TGFB2: variants seen among roughly 807,000 people sequenced by gnomAD.
The protein encoded by TGFB2 is transforming growth factor beta 2, also known as transforming growth factor beta-2 proprotein.
TGFB2 carries 13 observed loss-of-function variants against 42.7 expected under a neutral mutation model. The observed-to-expected ratio is 0.30, with a 90% CI of 0.20 to 0.48. The LOEUF (loss-of-function observed/expected upper bound fraction) is 0.48. Among genes scored for constraint, TGFB2 ranks in the 20% least tolerant of loss-of-function variants. TGFB2 has a pLI of 0.99. For synonymous variants in TGFB2, 193 were observed against 193.6 expected (o/e 1.00, Z 0.03); for missense variants, 390 against 517.5 (o/e 0.75, Z 2.39).
At chr1:218,416,236 C>T (rs2102606793) in intron 2 of TGFB2, among the ~76,000 whole-genome samples, 1 of 152,124 alleles carries the variant, frequency 6.6e-6, no homozygotes. Flanking sequence ...CTCCCTGCTC[C>T]ACCACCACAC....
chr1:218,443,319 G>A lies in TGFB2; in HGVS notation c.*1957G>A, dbSNP rs1558267591. The A allele has an allele frequency of 6.6e-6, 1 of 152,094 alleles. No homozygotes were observed. The highest frequency in any genetic ancestry group is 1.5e-5 in the Non-Finnish European group (1 of 68,012). The allele number at this position is 152,094 out of a possible 1,614,324, so 9.4% of individuals were successfully genotyped here. On this transcript the variant is annotated 3_prime_UTR_variant, in exon 7 of 7. Transcript: ENST00000366930. ...TTAGCTTTAAAATAAAAATTAATAG[G>A]CAAAGCAATGGAATATTTGCAGTTT...
At chr1:218,420,441 G>C (rs1487133772) in intron 2 of TGFB2, among the ~76,000 whole-genome samples, 1 of 152,190 alleles carries the variant, frequency 6.6e-6, no homozygotes, top group Admixed American at 6.5e-5. Flanking sequence ...GCATCTGACA[G>C]ACTTTCTGTT....
intron 1 of TGFB2, among the ~76,000 whole-genome samples, chr1:218,361,840 T>C (rs1657221514): frequency 1.3e-5 from 2 of 152,310 alleles, no homozygotes; most frequent in South Asian, 4.1e-4. Flanking sequence ...CCTCTAAAAA[T>C]AAACAGCATG....
intron 1 of TGFB2, among the ~76,000 whole-genome samples, chr1:218,363,755 C>T (rs1428703865): frequency 2.6e-5 from 4 of 152,126 alleles, no homozygotes; most frequent in African/African-American, 7.2e-5. Context: ...GACAGCATGG[C>T]CTGAATGTCA....
In TGFB2 at chr1:218,365,240, C is replaced by CT. The variant is rs556897144; in HGVS notation, c.346+18199dup. Among the ~76,000 whole-genome samples, 329 of 152,184 alleles carry CT rather than the reference C, an allele frequency of 2.2e-3. 2 individuals are homozygous for CT. Among genetic ancestry groups the CT allele is most frequent in the African/African-American group, 7.7e-3 (318 of 41,530 alleles). ...CACAGAGACCCCAAACTTTTCCCCCCTTTTTTGGCTTTTCCTTTGGAATCC... is the reference window on the plus strand; with the variant it reads ...CACAGAGACCCCAAACTTTTCCCCCCTTTTTTTGGCTTTTCCTTTGGAATCC... On this transcript the variant is annotated intron_variant, in intron 1 of 6. Transcript: ENST00000366930.
At chr1:218,408,570 A>T (rs1658990821) in intron 2 of TGFB2, among the ~76,000 whole-genome samples, 1 of 152,190 alleles carries the variant, frequency 6.6e-6, no homozygotes, top group South Asian at 2.1e-4. Flanking sequence ...TGAAGCACAG[A>T]CAAGGTCCAG....
chr1:218,394,156 G>A (rs369971555), intron 1 of TGFB2, among the ~76,000 whole-genome samples: 2 of 151,998 alleles, frequency 1.3e-5, no homozygotes, highest in African/African-American at 4.8e-5. Flanking sequence ...TGATCCGCCC[G>A]CCTCGGCCTC....
chr1:218,389,846 A>G (rs558372208), intron 1 of TGFB2, among the ~76,000 whole-genome samples: 1 of 152,210 alleles, frequency 6.6e-6, no homozygotes, highest in South Asian at 2.1e-4. Flanking sequence ...AGTGAAACCA[A>G]TGTAATATGT....
intron 1 of TGFB2, among the ~76,000 whole-genome samples, chr1:218,392,244 T>G (rs1658338733): frequency 6.6e-6 from 1 of 152,108 alleles, no homozygotes; most frequent in South Asian, 2.1e-4. Flanking sequence ...TCCCAGCTAC[T>G]CAGGAGGCTG....
chr1:218,388,186 A>T (rs1331439097), intron 1 of TGFB2, among the ~76,000 whole-genome samples: 1 of 152,196 alleles, frequency 6.6e-6, no homozygotes, highest in Non-Finnish European at 1.5e-5. Context: ...GGTAATGTGC[A>T]GTTAGTTGTT....
chr1:218,434,746 A>T (rs188366524), intron 4 of TGFB2, among the ~76,000 whole-genome samples: 3 of 152,204 alleles, frequency 2.0e-5, no homozygotes, highest in Non-Finnish European at 4.4e-5. Context: ...TAGCAAACCA[A>T]CTTTCCATCT....
intron 1 of TGFB2, among the ~76,000 whole-genome samples, chr1:218,365,664 A>ATT (rs146829350): frequency 5.6e-4 from 80 of 141,804 alleles, no homozygotes; most frequent in East Asian, 8.3e-4. Context: ...GGGGCTCTGC[A>ATT]TTTTTTTTTT....
intron 2 of TGFB2, among the ~76,000 whole-genome samples, chr1:218,414,305 TAA>T (rs1158140640): frequency 6.6e-6 from 1 of 150,936 alleles, no homozygotes; most frequent in Non-Finnish European, 1.5e-5. Context: ...GGGTGTAAAA[TAA>T]AAAGAGGTCA....
intron 4 of TGFB2, among the ~76,000 whole-genome samples, chr1:218,435,260 C>A (rs983944588): frequency 2.6e-5 from 4 of 152,116 alleles, no homozygotes; most frequent in Non-Finnish European, 5.9e-5. Context: ...AAAATACTCC[C>A]AGAGGTCTAG....
chr1:218,356,519 G>C (rs535447907), intron 1 of TGFB2, among the ~76,000 whole-genome samples: 1 of 152,044 alleles, frequency 6.6e-6, no homozygotes, highest in African/African-American at 2.4e-5. Flanking sequence ...GCACCCAGCC[G>C]GGAAAAATTA....
Position 218,347,067 on chromosome 1 carries a change from TC to T in TGFB2, c.346+22del. ...CCGAAAGTAAGTACTTATTTTGACT[TC>T]CATCCCCTGAGGTTTAGCTCTGCCC... On this transcript the variant is annotated intron_variant, in intron 1 of 6. Transcript: ENST00000366930. 2.6e-6 allele frequency: 4 copies of T among 1,551,798 alleles called. No individual in the cohort carries two copies. Among genetic ancestry groups the T allele is most frequent in the Non-Finnish European group, 3.5e-6 (4 of 1,147,442 alleles).
At chr1:218,365,445 C>T (rs1001466040) in intron 1 of TGFB2, among the ~76,000 whole-genome samples, 9 of 152,294 alleles carry the variant, frequency 5.9e-5, no homozygotes, top group Non-Finnish European at 1.2e-4. Flanking sequence ...TTCTGTCTTC[C>T]TTTGGTGAAA....
At chr1:218,436,491 CCCA>C (rs1571903342) in intron 5 of TGFB2, among the ~76,000 whole-genome samples, 1 of 152,174 alleles carries the variant, frequency 6.6e-6, no homozygotes, top group East Asian at 1.9e-4. Flanking sequence ...TTAAGAAAGA[CCCA>C]CCATCTGGAT....
At chr1:218,440,334 A>C (rs2102633249) in intron 6 of TGFB2, among the ~76,000 whole-genome samples, 1 of 140,322 alleles carries the variant, frequency 7.1e-6, no homozygotes, top group East Asian at 2.5e-4. Context: ...AAGCAATGGT[A>C]AAAAAACAGG....
Sources: allele counts gnomAD v4.1 joint callset (sites outside exome capture counted in the v4.1 genomes callset), GRCh38; gene constraint gnomAD v4.1.1; transcripts MANE v1.5; gene names NCBI Gene and HGNC (gene_info 2026-07-23, HGNC 2026-07-21).